PLEKHG4B: variants seen among roughly 807,000 people sequenced by gnomAD.
PLEKHG4B encodes the protein pleckstrin homology and RhoGEF domain containing G4B, also known as pleckstrin homology domain-containing family G member 4B.
Under a neutral mutation model 121.3 loss-of-function variants are expected in PLEKHG4B, and 111 were observed. The observed-to-expected ratio is 0.92, with a 90% CI of 0.78 to 1.07. The LOEUF (loss-of-function observed/expected upper bound fraction) is 1.07, where lower values mean the gene tolerates loss of function less well. Ranked by LOEUF, PLEKHG4B falls within the 50% of genes least tolerant of loss-of-function variation. PLEKHG4B has a pLI of 0.00. For synonymous variants in PLEKHG4B, 738 were observed against 725.0 expected (o/e 1.02, Z -0.29); for missense variants, 1,831 against 1,757.8 (o/e 1.04, Z -0.74).
intron 6 of PLEKHG4B, among the ~76,000 whole-genome samples, chr5:150,475 C>G (rs951736920): frequency 6.6e-6 from 1 of 152,040 alleles, no homozygotes; most frequent in East Asian, 1.9e-4. Context: ...GACTGCTGAA[C>G]AGTACACTGA....
chr5:127,859 T>C (rs995101848), intron 2 of PLEKHG4B, among the ~76,000 whole-genome samples: 1 of 152,216 alleles, frequency 6.6e-6, no homozygotes, highest in Non-Finnish European at 1.5e-5. Context: ...AGCTTGGTTT[T>C]ATACATTTTA....
In PLEKHG4B at chr5:137,297, C is replaced by G. The variant is rs1268801085; in HGVS notation, c.244-2186C>G. ...CTGGTGTTTAATGGGTTCACCGTTT[C>G]AGTTTGGGAAGATGGAAAGTTCTGG... is the stretch of plus-strand genomic sequence containing the variant. On this transcript the variant is annotated intron_variant, in intron 2 of 19. Coordinates refer to ENST00000637938, the MANE Select transcript of PLEKHG4B (RefSeq NM_052909.5). This position sits in a 1 kb window ranked among gnomAD's most constrained non-coding sequence, Gnocchi z 4.2. Among the ~76,000 whole-genome samples the G allele has an allele frequency of 6.6e-6, 1 of 152,112 alleles. No homozygotes were observed. The highest frequency in any genetic ancestry group is 2.4e-5 in the African/African-American group (1 of 41,434).
In PLEKHG4B at chr5:184,058, G is replaced by A. The variant is rs1206249925; in HGVS notation, c.*1735G>A. ...ACAGACAGATGAGAGGGGCCTTAGG[G>A]GCATTGGCTGACACAATTTTGGCAG... On this transcript the variant is annotated 3_prime_UTR_variant, in exon 20 of 20. Transcript: ENST00000637938. 1 of 151,510 alleles carries A rather than the reference G, an allele frequency of 6.6e-6. No homozygotes were observed. The highest frequency in any genetic ancestry group is 1.5e-5 in the Non-Finnish European group (1 of 68,016). 9.4% of individuals were successfully genotyped at this position (151,510 alleles called of 1,614,324 possible).
intron 3 of PLEKHG4B, 62 bp downstream of exon 3, chr5:140,778 C>T: frequency 3.6e-6 from 5 of 1,379,936 alleles, no homozygotes; most frequent in Non-Finnish European, 4.7e-6. Flanking sequence ...ATCCCACAAT[C>T]TCCCCCTGCA....
At position 184,063 on chromosome 5, in the gene PLEKHG4B, T is replaced by C. The variant is rs1337645912; in HGVS notation, c.*1740T>C. 6.6e-6 allele frequency: 1 copy of C among 151,956 alleles called. No homozygotes were observed. The highest frequency in any genetic ancestry group is 1.5e-5 in the Non-Finnish European group (1 of 68,048). The allele number at this position is 151,956 out of a possible 1,614,324, so 9.4% of individuals were successfully genotyped here. A position where few individuals can be genotyped will look rare whatever the true frequency, so the allele number is the denominator to read the frequency against. ...CAGATGAGAGGGGCCTTAGGGGCAT[T>C]GGCTGACACAATTTTGGCAGGTCAA... On this transcript the variant is annotated 3_prime_UTR_variant, in exon 20 of 20. Transcript: ENST00000637938.
chr5:161,799 G>A lies in PLEKHG4B; in HGVS notation c.2504G>A (p.Gly835Glu). The stretch of plus-strand genomic sequence containing the variant: ...TGGGTACAGCAATCCTGCCAGAAAG[G>A]ACTACAGCTGGCGAAGGAGAACCCG... ...EGNDQQSCQKGLQLAKENPQR... is the reference protein window; with the variant it reads ...EGNDQQSCQKELQLAKENPQR... The change falls in exon 12 of 20, where the codon GGA becomes GAA. Residue 835 changes from glycine (G) to glutamate (E), a missense_variant. By Grantham distance (98) the Gly-to-Glu change is moderately conservative. Coordinates refer to ENST00000637938, the MANE Select transcript of PLEKHG4B (RefSeq NM_052909.5). 1 of 1,613,764 alleles carries A rather than the reference G, an allele frequency of 6.2e-7. No homozygotes were observed. Among genetic ancestry groups the A allele is most frequent in the South Asian group, 1.1e-5 (1 of 91,056 alleles).
intron 6 of PLEKHG4B, among the ~76,000 whole-genome samples, chr5:146,748 T>G (rs1325383244): frequency 1.4e-5 from 2 of 139,132 alleles, no homozygotes; most frequent in African/African-American, 5.4e-5. Context: ...GGCCCTACAG[T>G]CCTCCCTCCT....
rs1488202582 is a variant in PLEKHG4B at position 188,710 on chromosome 5, G to C, written c.*6387G>C. Reference sequence around the variant, plus strand: ...TGGGTGGAGCTGCCGCCGAGTCCACGCCCCGTCTGGCTGGGACCTGGAGCT... The same window carrying C: ...TGGGTGGAGCTGCCGCCGAGTCCACCCCCCGTCTGGCTGGGACCTGGAGCT... On this transcript the variant is annotated 3_prime_UTR_variant, in exon 20 of 20. Transcript: ENST00000637938. 3 of 152,230 alleles carry C rather than the reference G, an allele frequency of 2.0e-5. No individual in the cohort carries two copies. Among genetic ancestry groups the C allele is most frequent in the Non-Finnish European group, 4.4e-5 (3 of 68,052 alleles). The allele number at this position is 152,230 out of a possible 1,614,324, so 9.4% of individuals were successfully genotyped here.
At chr5:111,127 G>A (rs140077741) in intron 1 of PLEKHG4B, among the ~76,000 whole-genome samples, 2 of 152,366 alleles carry the variant, frequency 1.3e-5, no homozygotes, top group Non-Finnish European at 2.9e-5. Flanking sequence ...CCCAGAATCG[G>A]GATGCTGCAG....
intron 1 of PLEKHG4B, among the ~76,000 whole-genome samples, chr5:106,240 TCTC>T (rs1733970636): frequency 6.6e-6 from 1 of 152,242 alleles, no homozygotes; most frequent in East Asian, 1.9e-4. Context: ...ATATTGTGGT[TCTC>T]CTCCTAGTTA....
chr5:139,340 A>C lies in PLEKHG4B; in HGVS notation c.244-143A>C. ...TAATGACCTGCTTTATGTTCCAAGG[A>C]ACAGGACACCCCAGCCCCCGTGAGA... is the stretch of plus-strand genomic sequence containing the variant. On this transcript the variant is annotated intron_variant, in intron 2 of 19. Transcript: ENST00000637938. This position sits in a 1 kb window ranked among gnomAD's most constrained non-coding sequence, Gnocchi z 5.0. The C allele has an allele frequency of 2.5e-6, 1 of 397,886 alleles. No individual in the cohort carries two copies. Among genetic ancestry groups the C allele is most frequent in the Non-Finnish European group, 4.4e-6 (1 of 226,276 alleles). 24.6% of individuals were successfully genotyped at this position (397,886 alleles called of 1,614,324 possible). A position where few individuals can be genotyped will look rare whatever the true frequency, so the allele number is the denominator to read the frequency against.
intron 6 of PLEKHG4B, among the ~76,000 whole-genome samples, chr5:147,806 A>G (rs56197951): frequency 0.029 from 4,382 of 152,316 alleles, 212 homozygotes; most frequent in African/African-American, 0.099. Flanking sequence ...CTGTAGAGCA[A>G]TATCCCTTAT....
chr5:130,953 A>G (rs1340888291), intron 2 of PLEKHG4B, among the ~76,000 whole-genome samples: 2 of 152,214 alleles, frequency 1.3e-5, no homozygotes, highest in East Asian at 1.9e-4. Context: ...TATTGAGGCA[A>G]AGAAGAATGG....
Position 161,862 on chromosome 5 carries a change from G to T in PLEKHG4B, c.2567G>T (p.Gly856Val), listed in dbSNP as rs1239549845. 1.2e-6 allele frequency: 2 copies of T among 1,613,864 alleles called. No individual in the cohort carries two copies. The highest frequency in any genetic ancestry group is 1.7e-6 in the Non-Finnish European group (2 of 1,180,018). The change falls in exon 12 of 20, where the codon GGC becomes GTC. Residue 856 changes from glycine to valine, a missense_variant. Coordinates refer to ENST00000637938, the MANE Select transcript of PLEKHG4B (RefSeq NM_052909.5). ...GAAATGGTCCAGGATTTCAGAAGGG[G>T]CCTGAGCGCCGTGGTCAGCCAGGCT... ...TEEMVQDFRR[G>V]LSAVVSQAEC...
chr5:136,364 T>C (rs929663558), intron 2 of PLEKHG4B, among the ~76,000 whole-genome samples: 4 of 152,210 alleles, frequency 2.6e-5, no homozygotes, highest in Admixed American at 2.6e-4. Context: ...AAGGGCCTTA[T>C]TGATACAGTA....
At chr5:162,616 GC>G in intron 12 of PLEKHG4B, 105 bp from the exon 13 acceptor site, 9 of 826,062 alleles carry the variant, frequency 1.1e-5, no homozygotes, top group Non-Finnish European at 1.0e-5. Flanking sequence ...CTGCTTTCTG[GC>G]CCCCTGGTCC....
chr5:104,422 C>A (rs1733915221), intron 1 of PLEKHG4B, among the ~76,000 whole-genome samples: 1 of 152,156 alleles, frequency 6.6e-6, no homozygotes, highest in Non-Finnish European at 1.5e-5. Context: ...CCACCGTATC[C>A]AGCATATAAT....
intron 11 of PLEKHG4B, among the ~76,000 whole-genome samples, chr5:161,141 C>G (rs1014015058): frequency 6.6e-6 from 1 of 152,220 alleles, no homozygotes; most frequent in African/African-American, 2.4e-5. Flanking sequence ...CTGAATCCAG[C>G]AGTAAATGCC....
chr5:114,841 A>T (rs1416607832), intron 2 of PLEKHG4B, among the ~76,000 whole-genome samples: 1 of 152,184 alleles, frequency 6.6e-6, no homozygotes, highest in Non-Finnish European at 1.5e-5. Flanking sequence ...TTCTAATCCT[A>T]GTTCTCTTGG....
Sources: gnomAD v4.1 joint callset for allele counts (sites outside exome capture counted in the v4.1 genomes callset) on GRCh38, gnomAD v4.1.1 for gene constraint, Gnocchi (gnomAD v3.1) non-coding constraint, MANE v1.5 for transcripts, NCBI Gene and HGNC (gene_info 2026-07-23, HGNC 2026-07-21) for gene names.